Variants in SLC25A21 observed in about 807,000 individuals in gnomAD.
SLC25A21 encodes solute carrier family 25 member 21, also known as mitochondrial 2-oxodicarboxylate carrier.
In SLC25A21, 47 loss-of-function variants were observed where a neutral mutation model predicts 43.8. The observed-to-expected ratio is 1.07, with a 90% CI of 0.85 to 1.37. The LOEUF (loss-of-function observed/expected upper bound fraction) is 1.37, where lower values mean the gene tolerates loss of function less well. Among genes scored for constraint, SLC25A21 ranks in the 40% most tolerant of loss-of-function variants. The probability of loss-of-function intolerance (pLI) is 0.00; values close to 1 mark genes in which losing one functional copy is unlikely to be tolerated. For missense variants in SLC25A21, 352 were observed against 350.2 expected (o/e 1.00, Z -0.04); for synonymous variants, 131 against 121.3 (o/e 1.08, Z -0.52).
chr14:37,110,253 A>T (rs959490581), intron 1 of SLC25A21, among the ~76,000 whole-genome samples: 1 of 152,186 alleles, frequency 6.6e-6, no homozygotes, highest in Non-Finnish European at 1.5e-5. Context: ...TTGCAGAGGC[A>T]TTAGTTAGCC....
At chr14:37,148,426 C>G (rs1228124713) in intron 1 of SLC25A21, among the ~76,000 whole-genome samples, 2 of 152,084 alleles carry the variant, frequency 1.3e-5, no homozygotes, top group African/African-American at 4.8e-5. Flanking sequence ...CACCATAGGT[C>G]AAAACACAGA....
chr14:36,779,270 T>C (rs2138374092), intron 3 of SLC25A21, among the ~76,000 whole-genome samples: 1 of 145,544 alleles, frequency 6.9e-6, no homozygotes, highest in South Asian at 2.1e-4. Context: ...TATAAGAATA[T>C]ATAAGAATTC....
At chr14:37,041,293 G>A (rs1209978970) in intron 1 of SLC25A21, among the ~76,000 whole-genome samples, 1 of 152,046 alleles carries the variant, frequency 6.6e-6, no homozygotes, top group Non-Finnish European at 1.5e-5. Flanking sequence ...TTGCATATTT[G>A]AACTTAAAAA....
At chr14:36,708,380 T>C (rs1883668325) in intron 7 of SLC25A21, among the ~76,000 whole-genome samples, 1 of 152,228 alleles carries the variant, frequency 6.6e-6, no homozygotes, top group African/African-American at 2.4e-5. Flanking sequence ...GATAATTTGT[T>C]TGGAAGAGTG....
At chr14:36,882,852 T>A (rs1890776892) in intron 1 of SLC25A21, among the ~76,000 whole-genome samples, 5 of 151,784 alleles carry the variant, frequency 3.3e-5, no homozygotes, top group Non-Finnish European at 7.4e-5. Flanking sequence ...GGAAACAACA[T>A]GCTCAACCTT....
intron 1 of SLC25A21, among the ~76,000 whole-genome samples, chr14:37,123,401 G>C (rs1963244355): frequency 6.6e-6 from 1 of 152,180 alleles, no homozygotes; most frequent in South Asian, 2.1e-4. Flanking sequence ...TTCCTTCTGA[G>C]GAAGCAATTT....
At chr14:36,880,141 C>G (rs1890670093) in intron 1 of SLC25A21, among the ~76,000 whole-genome samples, 2 of 152,072 alleles carry the variant, frequency 1.3e-5, no homozygotes, top group African/African-American at 4.8e-5. Flanking sequence ...TAAGTTCTGG[C>G]CAAAGGGATG....
intron 3 of SLC25A21, among the ~76,000 whole-genome samples, chr14:36,800,921 T>C (rs752199614): frequency 3.3e-5 from 5 of 152,186 alleles, no homozygotes; most frequent in Non-Finnish European, 5.9e-5. Context: ...GAAAAGCCCC[T>C]GGATGATGGT....
Position 36,734,524 on chromosome 14 carries a change from G to T in SLC25A21, c.253C>A (p.Pro85Thr). 6.2e-7 allele frequency: 1 copy of T among 1,607,602 alleles called. No individual in the cohort carries two copies. The highest frequency in any genetic ancestry group is 8.5e-7 in the Non-Finnish European group (1 of 1,176,680). The part of the protein sequence containing the change: ...GILPPILAET[P>T]KRAVKFFTFE... ...ATGCTTACCTTCACTGCTCTTTTTG[G>T]GGTTTCAGCCAAGATAGGTGGCAGA... The change falls in exon 4 of 10, where the codon CCA becomes ACA. Residue 85 changes from proline (P) to threonine (T), a missense_variant. Transcript: ENST00000331299.
At chr14:36,900,395 C>T (rs772823939) in intron 1 of SLC25A21, among the ~76,000 whole-genome samples, 33 of 152,088 alleles carry the variant, frequency 2.2e-4, no homozygotes, top group Non-Finnish European at 4.3e-4. Flanking sequence ...AGCTTTAAAT[C>T]TCTGCGCAAC....
At chr14:36,817,507 G>A (rs1888497769) in intron 2 of SLC25A21, among the ~76,000 whole-genome samples, 1 of 152,134 alleles carries the variant, frequency 6.6e-6, no homozygotes, top group South Asian at 2.1e-4. Flanking sequence ...AAATGTTACA[G>A]TACTCTGCTT....
chr14:36,696,973 C>T (rs549485912), intron 7 of SLC25A21, among the ~76,000 whole-genome samples: 1 of 151,888 alleles, frequency 6.6e-6, no homozygotes, highest in Non-Finnish European at 1.5e-5. Flanking sequence ...GTTTGCTCTT[C>T]ATTCTCTCGT....
intron 1 of SLC25A21, among the ~76,000 whole-genome samples, chr14:37,061,922 G>A (rs1336071294): frequency 2.6e-5 from 4 of 152,132 alleles, no homozygotes; most frequent in East Asian, 1.9e-4. Flanking sequence ...CAGAATGACC[G>A]CCTAAGGGGA....
intron 3 of SLC25A21, among the ~76,000 whole-genome samples, chr14:36,784,435 T>C (rs1208884063): frequency 6.6e-6 from 1 of 152,158 alleles, no homozygotes; most frequent in Admixed American, 6.5e-5. Context: ...TTCAATTTGG[T>C]AGTGGCCTGA....
At chr14:36,962,580 C>A (rs566846540) in intron 1 of SLC25A21, among the ~76,000 whole-genome samples, 1 of 152,262 alleles carries the variant, frequency 6.6e-6, no homozygotes, top group East Asian at 1.9e-4. Context: ...CAATACTCTT[C>A]TTTCTGTGTC....
intron 3 of SLC25A21, among the ~76,000 whole-genome samples, chr14:36,786,715 C>T (rs1039965527): frequency 3.3e-5 from 5 of 152,092 alleles, no homozygotes; most frequent in African/African-American, 4.8e-5. Context: ...TAAATGTCCC[C>T]GCGTTGTAAA....
At chr14:36,964,945 T>C (rs965609537) in intron 1 of SLC25A21, among the ~76,000 whole-genome samples, 2 of 152,176 alleles carry the variant, frequency 1.3e-5, no homozygotes, top group African/African-American at 4.8e-5. Flanking sequence ...TGGATTTTTA[T>C]ATAAATAGAT....
At chr14:36,868,322 T>C (rs7152792) in intron 2 of SLC25A21, among the ~76,000 whole-genome samples, 66,836 of 151,784 alleles carry the variant, frequency 0.44, 16,078 homozygotes, top group Non-Finnish European at 0.52. Flanking sequence ...TATAAAACAA[T>C]ATATACAGAT....
chr14:36,821,080 A>G (rs957364257), intron 2 of SLC25A21, among the ~76,000 whole-genome samples: 2 of 152,244 alleles, frequency 1.3e-5, no homozygotes, highest in African/African-American at 4.8e-5. Context: ...GAGCATAGCC[A>G]AAGTCAGACC....
Sources: gnomAD v4.1 joint callset for allele counts (sites outside exome capture counted in the v4.1 genomes callset) on GRCh38, gnomAD v4.1.1 for gene constraint, MANE v1.5 for transcripts, NCBI Gene and HGNC (gene_info 2026-07-23, HGNC 2026-07-21) for gene names.